SLC1A1: variants seen among roughly 807,000 people sequenced by gnomAD.
The protein encoded by SLC1A1 is excitatory amino acid transporter 3.
A neutral mutation model predicts 53.3 loss-of-function variants in SLC1A1; 43 were observed. That is an observed-to-expected ratio of 0.81 (90% CI 0.63 to 1.04). SLC1A1 has a LOEUF of 1.04. SLC1A1 is among the 50% of genes least tolerant of loss of function. SLC1A1 has a pLI of 0.00. For synonymous variants in SLC1A1, 307 were observed against 243.2 expected, an observed-to-expected ratio of 1.26 and a Z score of -2.44; for missense variants, 748 against 664.9, an observed-to-expected ratio of 1.12 and a Z score of -1.37.
At chr9:4,495,348 T>G (rs1459057998) in intron 1 of SLC1A1, among the ~76,000 whole-genome samples, 3 of 152,208 alleles carry the variant, frequency 2.0e-5, no homozygotes, top group African/African-American at 7.2e-5. Context: ...CACCAGGGAT[T>G]GTTCTACAGC....
rs1323198206 is a variant in SLC1A1, at chr9:4,537,568, AAAAATAAAAT to A, written c.92-6974_92-6965del. Among the ~76,000 whole-genome samples the A allele has an allele frequency of 9.1e-5, 13 of 142,284 alleles. 4 individuals carry two copies. Among genetic ancestry groups the A allele is most frequent in the Middle Eastern group, 3.6e-3 (1 of 274 alleles). 93.3% of individuals were successfully genotyped at this position (142,284 alleles called of 152,430 possible). On this transcript the variant is annotated intron_variant, in intron 1 of 11. Transcript: ENST00000262352. Reference sequence around the variant, plus strand: ...GCGACAGAGCGAGACTCCGTCTCAAAAAAATAAAATAAAATAAAATAAAATAAAATAAAAA... The same window carrying A: ...GCGACAGAGCGAGACTCCGTCTCAAAAAAATAAAATAAAATAAAATAAAAA...
chr9:4,497,567 C>T (rs1820477151), intron 1 of SLC1A1, among the ~76,000 whole-genome samples: 1 of 152,058 alleles, frequency 6.6e-6, no homozygotes, highest in Non-Finnish European at 1.5e-5. Flanking sequence ...AACAAATGAG[C>T]CTAAAGCTTA....
intron 1 of SLC1A1, among the ~76,000 whole-genome samples, chr9:4,536,047 G>T (rs563127645): frequency 7.1e-4 from 108 of 152,270 alleles, no homozygotes; most frequent in Admixed American, 2.2e-3. Context: ...ATTAATACAA[G>T]ATGGATGAAA....
rs1324456427 is a variant in SLC1A1, at chr9:4,564,370, C to G, written c.352C>G (p.Pro118Ala). ...LGIVLVVSIK[P>A]GVTQKVGEIA... ...TATTGTGCTGGTGGTGAGCATCAAG[C>G]CTGGTGTCACCCAGAAAGTGGGTGA... The change falls in exon 4 of 12, where the codon CCT (proline) becomes GCT (alanine). Residue 118 changes from proline (P) to alanine (A), a missense_variant. Transcript: ENST00000262352. The G allele has an allele frequency of 6.2e-7, 1 of 1,613,578 alleles. No homozygotes were observed. The highest frequency in any genetic ancestry group is 2.2e-5 in the East Asian group (1 of 44,862).
chr9:4,572,482 A>G (rs1236137809), intron 7 of SLC1A1, 94 bp downstream of exon 7: 2 of 1,064,630 alleles, frequency 1.9e-6, no homozygotes, highest in Admixed American at 3.4e-5. Context: ...TCAACTGATG[A>G]AGCTAGAGAA....
At chr9:4,514,405 G>C (rs892877080) in intron 1 of SLC1A1, among the ~76,000 whole-genome samples, 1 of 152,148 alleles carries the variant, frequency 6.6e-6, no homozygotes, top group Non-Finnish European at 1.5e-5. Flanking sequence ...GGGCATGGAA[G>C]GTTCACTAAC....
At chr9:4,535,857 A>C (rs1006463282) in intron 1 of SLC1A1, among the ~76,000 whole-genome samples, 1 of 152,164 alleles carries the variant, frequency 6.6e-6, no homozygotes, top group Non-Finnish European at 1.5e-5. Flanking sequence ...GTGCCAAAAC[A>C]GAGATATAGA....
Position 4,583,212 on chromosome 9 carries a change from G to T in SLC1A1, c.1328+40G>T. 6.2e-7 allele frequency: 1 copy of T among 1,613,222 alleles called. No homozygotes were observed. Among genetic ancestry groups the T allele is most frequent in the Non-Finnish European group, 8.5e-7 (1 of 1,179,238 alleles). ...ATGCACTGCCTTAGCTGGATGTGCA[G>T]GCGGGCTTCCCAGCCTCGCAGGCGC... On this transcript the variant is annotated intron_variant, in intron 11 of 11. Transcript: ENST00000262352. This position sits in a 1 kb window ranked among gnomAD's most constrained non-coding sequence, Gnocchi z 4.6.
At chr9:4,558,584 T>C (rs925693815) in intron 2 of SLC1A1, among the ~76,000 whole-genome samples, 52 of 152,188 alleles carry the variant, frequency 3.4e-4, no homozygotes, top group African/African-American at 1.2e-3. Flanking sequence ...AGCCTTTTAT[T>C]GCCAGCTGAG....
At chr9:4,561,071 G>A (rs1232444432) in intron 2 of SLC1A1, among the ~76,000 whole-genome samples, 3 of 152,120 alleles carry the variant, frequency 2.0e-5, no homozygotes, top group African/African-American at 7.2e-5. Flanking sequence ...CTAGATAACT[G>A]AATTCCAAAG....
chr9:4,499,041 T>C (rs1190781621), intron 1 of SLC1A1, among the ~76,000 whole-genome samples: 17 of 105,440 alleles, frequency 1.6e-4, no homozygotes, highest in East Asian at 2.6e-4. Flanking sequence ...TATATATGTA[T>C]ATATATATCT....
chr9:4,570,070 T>C (rs551330110), intron 6 of SLC1A1, among the ~76,000 whole-genome samples: 141 of 152,332 alleles, frequency 9.3e-4, no homozygotes, highest in African/African-American at 3.3e-3. Context: ...TGCCTTTGCT[T>C]GCCATCTTTC....
intron 10 of SLC1A1, among the ~76,000 whole-genome samples, chr9:4,580,187 C>T (rs568419986): frequency 4.6e-5 from 7 of 150,730 alleles, no homozygotes; most frequent in South Asian, 2.1e-4. Context: ...ACTGAGATGG[C>T]GCCACTGCAC....
intron 1 of SLC1A1, among the ~76,000 whole-genome samples, chr9:4,525,129 GA>G (rs1816214052): frequency 6.6e-6 from 1 of 152,116 alleles, no homozygotes; most frequent in Admixed American, 6.6e-5. Context: ...GAGTCTAAAC[GA>G]AACCTTGACA....
intron 2 of SLC1A1, among the ~76,000 whole-genome samples, chr9:4,560,720 G>T (rs1818853241): frequency 6.6e-6 from 1 of 151,930 alleles, no homozygotes; most frequent in Admixed American, 6.6e-5. Flanking sequence ...TCTCAGGCAG[G>T]ACATGATGAC....
At chr9:4,568,849 G>A (rs1210450936) in intron 6 of SLC1A1, among the ~76,000 whole-genome samples, 1 of 152,116 alleles carries the variant, frequency 6.6e-6, no homozygotes, top group African/African-American at 2.4e-5. Flanking sequence ...TGTTGGCTGT[G>A]AGGTCAGTAT....
chr9:4,523,176 T>C (rs1816142407), intron 1 of SLC1A1, among the ~76,000 whole-genome samples: 1 of 152,216 alleles, frequency 6.6e-6, no homozygotes, highest in African/African-American at 2.4e-5. Flanking sequence ...GCATCTATGA[T>C]TGACTCTCAT....
intron 2 of SLC1A1, among the ~76,000 whole-genome samples, chr9:4,559,640 G>C (rs1818742715): frequency 6.6e-6 from 1 of 152,038 alleles, no homozygotes; most frequent in African/African-American, 2.4e-5. Context: ...CTTTCCCTTG[G>C]GGTTGCCTTG....
At chr9:4,535,313 G>A (rs554211975) in intron 1 of SLC1A1, among the ~76,000 whole-genome samples, 1 of 152,096 alleles carries the variant, frequency 6.6e-6, no homozygotes, top group African/African-American at 2.4e-5. Context: ...AAACCCCATT[G>A]TCTCAGCCCA....
Sources: allele counts gnomAD v4.1 joint callset (sites outside exome capture counted in the v4.1 genomes callset), GRCh38; gene constraint gnomAD v4.1.1; non-coding constraint Gnocchi (gnomAD v3.1); transcripts MANE v1.5; gene names NCBI Gene and HGNC (gene_info 2026-07-23, HGNC 2026-07-21).